Variants in STRC observed in about 807,000 individuals in gnomAD.
STRC encodes stereocilin.
A neutral mutation model predicts 103.5 loss-of-function variants in STRC; 43 were observed. The ratio of observed to expected loss-of-function variants is 0.42; its 90% confidence interval spans 0.33 to 0.54. The LOEUF (loss-of-function observed/expected upper bound fraction) is 0.54, where lower values mean the gene tolerates loss of function less well. Ranked by LOEUF, STRC falls within the 20% of genes least tolerant of loss-of-function variation. The probability of loss-of-function intolerance (pLI) is 0.14; values close to 1 mark genes in which losing one functional copy is unlikely to be tolerated. For missense variants in STRC, 499 were observed against 1,088.5 expected (o/e 0.46, Z 7.62); for synonymous variants, 186 against 442.3 (o/e 0.42, Z 7.27).
chr15:43,609,314 C>G lies in STRC; in HGVS notation c.3519G>C (p.Lys1173Asn), dbSNP rs1204394412. ...SEQQAQFLWKKMQVPTNLTLR... is the reference protein window; with the variant it reads ...SEQQAQFLWKNMQVPTNLTLR... ...GGGTAAGGTTGGTGGGTACTTGCAT[C>G]TTCTTCCAGAGAAACTGTGCCTACA... The change falls in exon 16 of 29, where the codon AAG (lysine) becomes AAC (asparagine). Residue 1173 changes from lysine to asparagine, a missense_variant. Transcript: ENST00000450892. The G allele has an allele frequency of 1.9e-6, 3 of 1,609,840 alleles. No homozygotes were observed. The highest frequency in any genetic ancestry group is 1.7e-6 in the Non-Finnish European group (2 of 1,179,298).
At chr15:43,602,829 T>C (rs2085681502) in intron 23 of STRC, among the ~76,000 whole-genome samples, 1 of 151,496 alleles carries the variant, frequency 6.6e-6, no homozygotes, top group Admixed American at 6.6e-5. Context: ...GTATTTTTAG[T>C]AGAGACCGTG....
At position 43,601,522 on chromosome 15, in the gene STRC, A is replaced by C. The variant is rs1254452444; in HGVS notation, c.4575T>G (p.Pro1525=). 1 of 1,613,902 alleles carries C rather than the reference A, an allele frequency of 6.2e-7. No individual in the cohort carries two copies. Among genetic ancestry groups the C allele is most frequent in the Non-Finnish European group, 8.5e-7 (1 of 1,179,876 alleles). ...GCCTACCAAGCTGCAGGATCTGCTC[A>C]GGACGAAATCCCCGGGGGGGACCCC... The part of the protein sequence containing the change: ...QLWGPPRGFR[P]EQILQLGRLL... The change falls in exon 24 of 29, where the codon CCT becomes CCG. Residue 1525 remains proline, a synonymous_variant. Coordinates refer to ENST00000450892, the MANE Select transcript of STRC (RefSeq NM_153700.2).
chr15:43,604,957 C>A lies in STRC; in HGVS notation c.3931-111G>T, dbSNP rs557231238. 23 of 1,474,790 alleles carry A rather than the reference C, an allele frequency of 1.6e-5. No homozygotes were observed. The African/African-American group carries it at 2.9e-4, about 19-fold the overall frequency. The allele number at this position is 1,474,790 out of a possible 1,614,324, so 91.4% of individuals were successfully genotyped here. ...TCCCTCCCTCCTGCTCCCAGCTCAG[C>A]ACCCTATGATGCTCACTACCTTTGT... On this transcript the variant is annotated intron_variant, in intron 19 of 28. Transcript: ENST00000450892.
At position 43,603,993 on chromosome 15, in the gene STRC, C is replaced by A. The variant is rs1277332457; in HGVS notation, c.4375+3G>T. 1 of 1,612,928 alleles carries A rather than the reference C, an allele frequency of 6.2e-7. No individual in the cohort carries two copies. On this transcript the variant is annotated splice_donor_region_variant and intron_variant, in intron 22 of 28. Coordinates refer to ENST00000450892, the MANE Select transcript of STRC (RefSeq NM_153700.2). ...GGACATATAAGTATTTGGGTAGTTT[C>A]ACCTGGAAGATCCTCAGCAGCTGGT...
intron 18 of STRC, among the ~76,000 whole-genome samples, chr15:43,606,186 C>G (rs961938240): frequency 3.8e-5 from 1 of 26,204 alleles, no homozygotes; most frequent in African/African-American, 1.2e-4. Context: ...CCTTCTTTCA[C>G]AAATGAGAAA....
At chr15:43,614,585 G>GAATCACACTTGAGATGA in intron 4 of STRC, 109 bp from the exon 5 acceptor site, 1 of 680,526 alleles carries the variant, frequency 1.5e-6, no homozygotes, top group Non-Finnish European at 2.3e-6. Context: ...ATCATCTCAA[G>GAATCACACTTGAGATGA]TGTGATTCTT....
rs2085648653 is a variant in STRC, at chr15:43,599,565, T to C, written c.*107A>G. The C allele has an allele frequency of 3.8e-6, 2 of 519,778 alleles. No homozygotes were observed. Among genetic ancestry groups the C allele is most frequent in the Non-Finnish European group, 6.7e-6 (2 of 297,844 alleles). 32.2% of individuals were successfully genotyped at this position (519,778 alleles called of 1,614,324 possible). ...GGAAAGCATTAACATTTTACCCATA[T>C]TCCTCATCAGCTTCTGAAAATAATC... On this transcript the variant is annotated 3_prime_UTR_variant, in exon 29 of 29. Transcript: ENST00000450892.
chr15:43,603,489 T>G, intron 22 of STRC, 78 bp from the exon 23 acceptor site: 2 of 1,469,360 alleles, frequency 1.4e-6, no homozygotes, highest in South Asian at 1.1e-5. Flanking sequence ...ATAGAGTGAG[T>G]CTTCCAACCT....
intron 25 of STRC, 80 bp downstream of exon 25, chr15:43,600,792 C>G: frequency 6.2e-7 from 1 of 1,613,116 alleles, no homozygotes; most frequent in Non-Finnish European, 8.5e-7. Flanking sequence ...CTCCATGGGA[C>G]CAGACCTTCA....
At chr15:43,605,479 G>T in intron 18 of STRC, 80 bp from the exon 19 acceptor site, 1 of 1,549,792 alleles carries the variant, frequency 6.5e-7, no homozygotes, top group South Asian at 1.2e-5. Flanking sequence ...CCCACAGTCC[G>T]CAGCTAAGAT....
intron 22 of STRC, 180 bp from the exon 23 acceptor site, chr15:43,603,591 T>C (rs2085689905): frequency 5.4e-6 from 4 of 739,250 alleles, no homozygotes; most frequent in Non-Finnish European, 6.9e-6. Flanking sequence ...CAAGAAGTGA[T>C]TGGAGATGCC....
At chr15:43,604,976 C>G in intron 19 of STRC, 130 bp from the exon 20 acceptor site, 1 of 1,401,642 alleles carries the variant, frequency 7.1e-7, no homozygotes. Flanking sequence ...ATGCTCACTA[C>G]CTTTGTTCAC....
intron 24 of STRC, 130 bp downstream of exon 24, chr15:43,601,266 A>G: frequency 7.2e-7 from 1 of 1,398,438 alleles, no homozygotes; most frequent in East Asian, 2.4e-5. Flanking sequence ...AGTATGGGGT[A>G]TCAACAAAAG....
chr15:43,604,511 G>A (rs1263511030), intron 20 of STRC, 60 bp from the exon 21 acceptor site: 5 of 1,588,942 alleles, frequency 3.1e-6, no homozygotes, highest in Non-Finnish European at 4.3e-6. Context: ...GAAAAGGAAG[G>A]GGAAAAGAGG....
chr15:43,603,518 T>A, intron 22 of STRC, 107 bp from the exon 23 acceptor site: 1 of 1,207,018 alleles, frequency 8.3e-7, no homozygotes. Context: ...TAGAGCACTG[T>A]GAGAAATAGG....
At chr15:43,606,992 T>C in intron 18 of STRC, among the ~76,000 whole-genome samples, 1 of 131,004 alleles carries the variant, frequency 7.6e-6, no homozygotes, top group Non-Finnish European at 1.6e-5. Flanking sequence ...ACAGCAAAAC[T>C]CTGTCTCAAA....
At chr15:43,617,186 CAT>C (rs1259281310) in intron 3 of STRC, among the ~76,000 whole-genome samples, 1 of 134,592 alleles carries the variant, frequency 7.4e-6, no homozygotes, top group Non-Finnish European at 1.6e-5. Context: ...AGTATCAACT[CAT>C]TTAACCGGGT....
In STRC at chr15:43,604,365, G is replaced by T. The variant is rs1441030129; in HGVS notation, c.4214C>A (p.Pro1405His). ...TLSTEAISLI[P>H]REALGPETLE... ...TCCCTTCTTCCTTCATCTCACCCTG[G>T]GGATCAAGGAAATTGCCTCAGTAGA... Residue 1405 changes from proline to histidine, a missense_variant, in exon 21 of 29, where the codon CCC becomes CAC. Physicochemically the swap from Pro to His is moderately conservative, Grantham distance 77. Transcript: ENST00000450892. 6.4e-7 allele frequency: 1 copy of T among 1,568,844 alleles called. No homozygotes were observed. The highest frequency in any genetic ancestry group is 2.3e-5 in the East Asian group (1 of 43,300).
intron 15 of STRC, 107 bp from the exon 16 acceptor site, chr15:43,609,441 T>C: frequency 9.9e-7 from 1 of 1,007,542 alleles, no homozygotes; most frequent in South Asian, 1.3e-5. Context: ...GCCTCCTCAC[T>C]CTGTGGGACC....
Sources: allele counts gnomAD v4.1 joint callset (sites outside exome capture counted in the v4.1 genomes callset), GRCh38; gene constraint gnomAD v4.1.1; transcripts MANE v1.5; gene names NCBI Gene and HGNC (gene_info 2026-07-23, HGNC 2026-07-21).